The following TNKS variants were observed in gnomAD, a reference collection of about 807,000 sequenced individuals.
The protein encoded by TNKS is poly [ADP-ribose] polymerase tankyrase-1.
A neutral mutation model predicts 135.8 loss-of-function variants in TNKS; 72 were observed. That is an observed-to-expected ratio of 0.53 (90% CI 0.44 to 0.64). The LOEUF is 0.64. Ranked by LOEUF, TNKS falls within the 30% of genes least tolerant of loss-of-function variation. The probability of loss-of-function intolerance (pLI) is 0.00; values close to 1 mark genes in which losing one functional copy is unlikely to be tolerated. For missense variants in TNKS, 1,769 were observed against 1,674.0 expected (o/e 1.06, Z -0.99); for synonymous variants, 849 against 649.3 (o/e 1.31, Z -4.68).
chr8:9,587,643 C>T (rs916743122), intron 2 of TNKS, among the ~76,000 whole-genome samples: 1 of 152,090 alleles, frequency 6.6e-6, no homozygotes, highest in East Asian at 1.9e-4. Context: ...ACCTTGTGAT[C>T]CGCCCGCCTC....
chr8:9,556,780 T>G, intron 1 of TNKS, 168 bp downstream of exon 1: 73 of 411,238 alleles, frequency 1.8e-4, no homozygotes, highest in Middle Eastern at 4.7e-4. Context: ...GCCTGGGTGA[T>G]GGGGGCGTGG....
intron 3 of TNKS, among the ~76,000 whole-genome samples, chr8:9,618,498 T>A (rs1243188131): frequency 6.6e-6 from 1 of 152,194 alleles, no homozygotes; most frequent in Admixed American, 6.5e-5. Context: ...TTGAGGGCTT[T>A]CTTTTGTTTT....
Position 9,582,994 on chromosome 8 carries a change from A to G in TNKS, c.898+2611A>G, listed in dbSNP as rs909174255. On this transcript the variant is annotated intron_variant, in intron 2 of 26. Coordinates refer to ENST00000310430, the MANE Select transcript of TNKS (RefSeq NM_003747.3). ...ATCCTGGCTAACACGGTGAAACCCC[A>G]TCTCTACTAAAAATACAAAAAAATT... Among the ~76,000 whole-genome samples, 14 of 151,920 alleles carry G rather than the reference A, an allele frequency of 9.2e-5. No homozygotes were observed. The East Asian group carries it at 2.5e-3, about 27-fold the overall frequency.
intron 2 of TNKS, among the ~76,000 whole-genome samples, chr8:9,597,286 C>G (rs1798824322): frequency 6.6e-6 from 1 of 152,166 alleles, no homozygotes. Context: ...TCAGTAAATA[C>G]TTGTTTCTTT....
rs183840098 is a variant in TNKS, at chr8:9,677,009, A to G, written c.995-2942A>G. Among the ~76,000 whole-genome samples, 25 of 152,292 alleles carry G rather than the reference A, an allele frequency of 1.6e-4. No individual in the cohort carries two copies. The East Asian group carries it at 4.4e-3, about 27-fold the overall frequency. On this transcript the variant is annotated intron_variant, in intron 3 of 26. Transcript: ENST00000310430. ...TCAGCCAGAATATTTTCAGATTCTCAGCTAAGATGAAAGAGAACTGGTGCT... is the reference window on the plus strand; with the variant it reads ...TCAGCCAGAATATTTTCAGATTCTCGGCTAAGATGAAAGAGAACTGGTGCT...
At chr8:9,760,147 T>A (rs1366562621) in intron 20 of TNKS, among the ~76,000 whole-genome samples, 1 of 152,184 alleles carries the variant, frequency 6.6e-6, no homozygotes, top group African/African-American at 2.4e-5. Context: ...AAATCATGTC[T>A]AGCTAAGAAT....
chr8:9,565,903 A>C (rs1373101529), intron 1 of TNKS, among the ~76,000 whole-genome samples: 1 of 152,122 alleles, frequency 6.6e-6, no homozygotes, highest in Non-Finnish European at 1.5e-5. Flanking sequence ...AAACTCCCTG[A>C]TGCCTTGTTA....
At chr8:9,626,284 T>G (rs1800050370) in intron 3 of TNKS, among the ~76,000 whole-genome samples, 1 of 152,224 alleles carries the variant, frequency 6.6e-6, no homozygotes, top group Admixed American at 6.5e-5. Context: ...CCTGCCAATA[T>G]CATTATATTT....
intron 3 of TNKS, among the ~76,000 whole-genome samples, chr8:9,633,357 A>G (rs568395542): frequency 8.5e-4 from 129 of 152,350 alleles, no homozygotes; most frequent in African/African-American, 2.9e-3. Flanking sequence ...AATCTGTACA[A>G]ATACACAATA....
intron 13 of TNKS, among the ~76,000 whole-genome samples, chr8:9,730,488 C>G (rs1180766534): frequency 6.6e-6 from 1 of 152,080 alleles, no homozygotes; most frequent in Non-Finnish European, 1.5e-5. Context: ...GGCAAGAGCT[C>G]TCTAGTTACA....
At chr8:9,639,395 C>T (rs754951494) in intron 3 of TNKS, among the ~76,000 whole-genome samples, 4 of 151,764 alleles carry the variant, frequency 2.6e-5, no homozygotes, top group Non-Finnish European at 5.9e-5. Flanking sequence ...TTTGACCACT[C>T]ATTTCTCTGT....
chr8:9,620,441 T>A (rs1799823530), intron 3 of TNKS, among the ~76,000 whole-genome samples: 1 of 152,120 alleles, frequency 6.6e-6, no homozygotes, highest in Admixed American at 6.5e-5. Flanking sequence ...TTCGCTCAGT[T>A]CTCTTCACTG....
At chr8:9,729,771 CTTTTTTTTT>C (rs763357075) in intron 13 of TNKS, among the ~76,000 whole-genome samples, 24 of 95,016 alleles carry the variant, frequency 2.5e-4, no homozygotes, top group Non-Finnish European at 4.0e-4. Flanking sequence ...ATATGATATT[CTTTTTTTTT>C]TTTTTTTTTT....
chr8:9,653,742 A>G (rs1460508679), intron 3 of TNKS, among the ~76,000 whole-genome samples: 1 of 152,118 alleles, frequency 6.6e-6, no homozygotes, highest in Non-Finnish European at 1.5e-5. Flanking sequence ...TTTGGTGGAG[A>G]CAAACCACAT....
chr8:9,682,822 TTAA>T (rs1272856186), intron 5 of TNKS, among the ~76,000 whole-genome samples: 2 of 22,346 alleles, frequency 9.0e-5, no homozygotes, highest in Non-Finnish European at 2.9e-4. Flanking sequence ...TATTATTATA[TTAA>T]TTTATTTTGG....
rs79252632 is a variant in TNKS, at chr8:9,751,475, A to C, written c.2833-134A>C. On this transcript the variant is annotated intron_variant, in intron 18 of 26. Transcript: ENST00000310430. ...TTTGGAGCTGTGGATAGGAGAAGGA[A>C]TGATCAAAAACCAGTAGGTGATAAT... 3.8e-3 allele frequency: 2,604 copies of C among 686,268 alleles called. 56 individuals are homozygous for C. In the East Asian group the frequency reaches 0.047, roughly 12 times the overall value. The allele number at this position is 686,268 out of a possible 1,614,324, so 42.5% of individuals were successfully genotyped here. A position where few individuals can be genotyped will look rare whatever the true frequency, so the allele number is the denominator to read the frequency against.
chr8:9,754,279 A>G (rs1302462152), intron 20 of TNKS, among the ~76,000 whole-genome samples: 1 of 152,186 alleles, frequency 6.6e-6, no homozygotes, highest in Non-Finnish European at 1.5e-5. Flanking sequence ...TAGTCAACTT[A>G]TCAGAGGTGT....
intron 6 of TNKS, among the ~76,000 whole-genome samples, chr8:9,705,364 C>G (rs1202024627): frequency 6.6e-6 from 1 of 152,174 alleles, no homozygotes; most frequent in East Asian, 1.9e-4. Context: ...ACTAACATTT[C>G]TCATTGCCCC....
intron 15 of TNKS, 114 bp downstream of exon 15, chr8:9,733,558 G>T: frequency 1.2e-6 from 1 of 833,240 alleles, no homozygotes; most frequent in African/African-American, 1.7e-5. Flanking sequence ...TGTAGAGACT[G>T]CTCTCATTTT....
Sources: allele counts gnomAD v4.1 joint callset (sites outside exome capture counted in the v4.1 genomes callset), GRCh38; gene constraint gnomAD v4.1.1; transcripts MANE v1.5; gene names NCBI Gene and HGNC (gene_info 2026-07-23, HGNC 2026-07-21).